Variants in KCNIP4 observed in about 807,000 individuals in gnomAD.
KCNIP4 encodes Kv channel-interacting protein 4.
KCNIP4 carries 12 observed loss-of-function variants against 34.0 expected under a neutral mutation model. That is an observed-to-expected ratio of 0.35 (90% CI 0.23 to 0.57). The LOEUF (loss-of-function observed/expected upper bound fraction) is 0.57. KCNIP4 is among the 20% of genes least tolerant of loss of function. KCNIP4 has a pLI of 0.83. For missense variants in KCNIP4, 238 were observed against 311.7 expected (o/e 0.76, Z 1.78); for synonymous variants, 124 against 102.2 (o/e 1.21, Z -1.29).
At chr4:20,960,386 C>T (rs1733732323) in intron 1 of KCNIP4, among the ~76,000 whole-genome samples, 1 of 152,182 alleles carries the variant, frequency 6.6e-6, no homozygotes, top group Non-Finnish European at 1.5e-5. Context: ...CAAAATTAGG[C>T]ACAGCCAGGA....
At chr4:21,612,389 A>G (rs1744224123) in intron 1 of KCNIP4, among the ~76,000 whole-genome samples, 1 of 152,234 alleles carries the variant, frequency 6.6e-6, no homozygotes, top group South Asian at 2.1e-4. Context: ...AGGCTTGGAA[A>G]TCACTTGAGC....
intron 1 of KCNIP4, among the ~76,000 whole-genome samples, chr4:21,169,411 C>T (rs1033059355): frequency 6.6e-6 from 1 of 152,088 alleles, no homozygotes; most frequent in Non-Finnish European, 1.5e-5. Context: ...CTCAGCCTCC[C>T]AAAGTGCTGA....
chr4:21,795,336 T>C (rs1422582553), intron 1 of KCNIP4, among the ~76,000 whole-genome samples: 1 of 152,142 alleles, frequency 6.6e-6, no homozygotes, highest in Non-Finnish European at 1.5e-5. Context: ...ACTTCCAGCC[T>C]GCAGAACTGT....
chr4:21,236,845 TA>T (rs75125946), intron 1 of KCNIP4, among the ~76,000 whole-genome samples: 44,667 of 141,912 alleles, frequency 0.31, 6,716 homozygotes, highest in South Asian at 0.48. Flanking sequence ...CCACCTCTAC[TA>T]AAAAAAAAAA....
At chr4:21,233,181 AGATTGG>A (rs1415227884) in intron 1 of KCNIP4, among the ~76,000 whole-genome samples, 1 of 152,144 alleles carries the variant, frequency 6.6e-6, no homozygotes, top group Non-Finnish European at 1.5e-5. Context: ...AGTAAGACAA[AGATTGG>A]GAAATGTCCA....
At chr4:21,680,392 G>GT (rs765047244) in intron 1 of KCNIP4, among the ~76,000 whole-genome samples, 3 of 152,134 alleles carry the variant, frequency 2.0e-5, no homozygotes, top group Non-Finnish European at 2.9e-5. Context: ...TTCCTCCACT[G>GT]AAGGCTTGAA....
intron 1 of KCNIP4, among the ~76,000 whole-genome samples, chr4:21,941,781 C>T (rs1730216242): frequency 6.6e-6 from 1 of 152,098 alleles, no homozygotes; most frequent in Non-Finnish European, 1.5e-5. Flanking sequence ...TGGCTGTGTT[C>T]GTTTAGGAAG....
intron 1 of KCNIP4, among the ~76,000 whole-genome samples, chr4:21,714,200 TTGTC>T (rs1713966733): frequency 6.6e-6 from 1 of 152,130 alleles, no homozygotes; most frequent in Non-Finnish European, 1.5e-5. Flanking sequence ...GATTAATAAA[TTGTC>T]ATCAATAATG....
At chr4:21,241,777 A>T (rs1168911652) in intron 1 of KCNIP4, among the ~76,000 whole-genome samples, 2 of 152,162 alleles carry the variant, frequency 1.3e-5, no homozygotes, top group African/African-American at 4.8e-5. Flanking sequence ...CTTGAGTCCT[A>T]GGCCTCTTTT....
At chr4:21,180,848 A>C (rs1372128494) in intron 1 of KCNIP4, among the ~76,000 whole-genome samples, 2 of 152,038 alleles carry the variant, frequency 1.3e-5, no homozygotes, top group African/African-American at 4.8e-5. Context: ...TACTATGTGA[A>C]TACACTATGA....
chr4:21,759,176 A>G (rs949207537), intron 1 of KCNIP4, among the ~76,000 whole-genome samples: 4 of 152,198 alleles, frequency 2.6e-5, no homozygotes, highest in Non-Finnish European at 5.9e-5. Context: ...TAATAGAACA[A>G]TTATGTGAAC....
intron 1 of KCNIP4, among the ~76,000 whole-genome samples, chr4:21,698,514 A>G (rs370333123): frequency 1.3e-5 from 2 of 152,170 alleles, no homozygotes; most frequent in East Asian, 1.9e-4. Context: ...CTTTTAAGAC[A>G]TTGGGATAGA....
Position 20,811,963 on chromosome 4 carries a change from T to C in KCNIP4, c.288+38580A>G, listed in dbSNP as rs561961105. ...GGAAGAGCAGATTCCCAGAAAAGAA[T>C]ATACCCTAAGAGACAGGCCACTAAA... On this transcript the variant is annotated intron_variant, in intron 3 of 8. Coordinates refer to ENST00000382152, the MANE Select transcript of KCNIP4 (RefSeq NM_025221.6). Among the ~76,000 whole-genome samples the C allele has an allele frequency of 1.1e-4, 17 of 152,278 alleles. No homozygotes were observed. In the South Asian group the frequency reaches 3.3e-3, roughly 30 times the overall value.
intron 1 of KCNIP4, among the ~76,000 whole-genome samples, chr4:21,065,962 A>G (rs1744345966): frequency 6.6e-6 from 1 of 151,934 alleles, no homozygotes; most frequent in African/African-American, 2.4e-5. Context: ...ACTCACTTGT[A>G]AAATATCTTT....
chr4:21,235,092 A>G (rs1759257237), intron 1 of KCNIP4, among the ~76,000 whole-genome samples: 1 of 152,192 alleles, frequency 6.6e-6, no homozygotes, highest in African/African-American at 2.4e-5. Flanking sequence ...TATAATGACT[A>G]TTTGAGAAAT....
At chr4:21,579,108 T>A (rs1025067503) in intron 1 of KCNIP4, among the ~76,000 whole-genome samples, 1 of 152,190 alleles carries the variant, frequency 6.6e-6, no homozygotes, top group African/African-American at 2.4e-5. Context: ...ATAAAGCATC[T>A]TTTATGCGGT....
intron 1 of KCNIP4, among the ~76,000 whole-genome samples, chr4:20,943,462 A>C (rs12645600): frequency 0.13 from 20,437 of 152,194 alleles, 1,964 homozygotes; most frequent in African/African-American, 0.28. Context: ...AATTTACTAC[A>C]AATTACTTGC....
intron 1 of KCNIP4, among the ~76,000 whole-genome samples, chr4:21,109,231 C>T (rs1191686685): frequency 3.3e-5 from 5 of 152,190 alleles, no homozygotes; most frequent in African/African-American, 9.6e-5. Context: ...AGGCAGGCCT[C>T]CTTGAGCTGT....
At chr4:21,356,849 G>C (rs896270598) in intron 1 of KCNIP4, among the ~76,000 whole-genome samples, 1 of 152,070 alleles carries the variant, frequency 6.6e-6, no homozygotes, top group Non-Finnish European at 1.5e-5. Context: ...AAAAGAGCCC[G>C]CATAGCCAAG....
Sources: allele counts gnomAD v4.1 joint callset (sites outside exome capture counted in the v4.1 genomes callset), GRCh38; gene constraint gnomAD v4.1.1; transcripts MANE v1.5; gene names NCBI Gene and HGNC (gene_info 2026-07-23, HGNC 2026-07-21).